FSTL5: variants seen among roughly 807,000 people sequenced by gnomAD.
The protein encoded by FSTL5 is follistatin like 5.
In FSTL5, 62 loss-of-function variants were observed where a neutral mutation model predicts 89.1. That is an observed-to-expected ratio of 0.70 (90% confidence interval 0.57 to 0.86). FSTL5 has a LOEUF of 0.86. Among genes scored for constraint, FSTL5 ranks in the 40% least tolerant of loss-of-function variants. FSTL5 has a pLI of 0.00. For synonymous variants in FSTL5, 383 were observed against 346.2 expected (o/e 1.11, Z -1.18); for missense variants, 1,057 against 1,001.6 (o/e 1.06, Z -0.75).
At chr4:161,798,005 C>T (rs945049175) in intron 4 of FSTL5, among the ~76,000 whole-genome samples, 3 of 151,558 alleles carry the variant, frequency 2.0e-5, no homozygotes, top group Admixed American at 6.6e-5. Flanking sequence ...AGTTAGACCT[C>T]ATTTATCCCA....
In FSTL5 at chr4:161,659,247, A is replaced by G. The variant is rs149163522; in HGVS notation, c.728-2753T>C. 6.5e-3 allele frequency among the ~76,000 whole-genome samples: 989 copies of G among 152,248 alleles called. 9 individuals are homozygous for G. Among genetic ancestry groups the G allele is most frequent in the South Asian group, 0.045 (218 of 4,824 alleles). ...GTAATACTTATTATTAAGTAACTAT[A>G]TATTTGATAATTTCTTAGATTTGTT... is the stretch of plus-strand genomic sequence containing the variant. On this transcript the variant is annotated intron_variant, in intron 6 of 15. Transcript: ENST00000306100.
At chr4:161,658,087 C>T (rs1171625281) in intron 6 of FSTL5, among the ~76,000 whole-genome samples, 2 of 152,134 alleles carry the variant, frequency 1.3e-5, no homozygotes, top group Non-Finnish European at 2.9e-5. Context: ...TAACAAACAT[C>T]TTGTCCATTT....
intron 7 of FSTL5, among the ~76,000 whole-genome samples, chr4:161,638,587 C>G (rs1175099137): frequency 1.3e-5 from 2 of 150,268 alleles, no homozygotes; most frequent in Non-Finnish European, 3.0e-5. Context: ...GAACTGGTAC[C>G]ATTCCTTCTG....
At chr4:161,749,709 G>A (rs955755604) in intron 6 of FSTL5, among the ~76,000 whole-genome samples, 8 of 151,762 alleles carry the variant, frequency 5.3e-5, no homozygotes, top group South Asian at 2.1e-4. Flanking sequence ...GGAGAATGGC[G>A]TGAACCCGAC....
At chr4:161,514,138 T>C (rs2126505388) in intron 10 of FSTL5, among the ~76,000 whole-genome samples, 1 of 152,142 alleles carries the variant, frequency 6.6e-6, no homozygotes, top group Non-Finnish European at 1.5e-5. Context: ...AAACTAAGAA[T>C]ACAGGGATAT....
At chr4:161,780,421 G>T (rs1194091943) in intron 4 of FSTL5, among the ~76,000 whole-genome samples, 1 of 152,118 alleles carries the variant, frequency 6.6e-6, no homozygotes, top group Middle Eastern at 3.2e-3. Context: ...CTAAAGAAAA[G>T]AAACAATTTC....
chr4:161,502,603 A>G (rs918807939), intron 11 of FSTL5, among the ~76,000 whole-genome samples: 2 of 151,894 alleles, frequency 1.3e-5, no homozygotes, highest in African/African-American at 4.8e-5. Flanking sequence ...TTATGAAATA[A>G]AACTTTTCCA....
chr4:161,509,084 C>A (rs1730571018), intron 11 of FSTL5, among the ~76,000 whole-genome samples: 1 of 152,138 alleles, frequency 6.6e-6, no homozygotes, highest in Admixed American at 6.5e-5. Flanking sequence ...GGGCAGATCA[C>A]CTGAGGTCAG....
intron 3 of FSTL5, among the ~76,000 whole-genome samples, chr4:161,968,415 G>A (rs1252289723): frequency 6.6e-6 from 1 of 151,976 alleles, no homozygotes; most frequent in Non-Finnish European, 1.5e-5. Flanking sequence ...AAAACACACA[G>A]AGTTGAAAAG....
intron 3 of FSTL5, among the ~76,000 whole-genome samples, chr4:161,994,114 T>G: frequency 6.6e-6 from 1 of 152,154 alleles, no homozygotes; most frequent in East Asian, 1.9e-4. Flanking sequence ...TTTTCATCAT[T>G]TAGCTACCAC....
At chr4:161,959,294 ATTGAT>A (rs888098614) in intron 3 of FSTL5, among the ~76,000 whole-genome samples, 89 of 152,252 alleles carry the variant, frequency 5.8e-4, no homozygotes, top group African/African-American at 2.0e-3. Flanking sequence ...TATTTATTTT[ATTGAT>A]TTAAGATACA....
At chr4:162,125,683 T>G (rs532975494) in intron 1 of FSTL5, among the ~76,000 whole-genome samples, 2 of 152,210 alleles carry the variant, frequency 1.3e-5, no homozygotes, top group African/African-American at 4.8e-5. Context: ...CATCAGACAT[T>G]GTAATTCATA....
chr4:161,934,413 G>T (rs1230218912), intron 3 of FSTL5, among the ~76,000 whole-genome samples: 3 of 152,026 alleles, frequency 2.0e-5, no homozygotes, highest in African/African-American at 7.2e-5. Context: ...TAGAAAGAAG[G>T]TTGGGAAGTA....
At chr4:161,905,289 A>G (rs1314783592) in intron 4 of FSTL5, among the ~76,000 whole-genome samples, 1 of 152,166 alleles carries the variant, frequency 6.6e-6, no homozygotes, top group African/African-American at 2.4e-5. Context: ...TTGCTTAACC[A>G]TAGACTATAT....
At chr4:162,094,786 T>C (rs1454874814) in intron 2 of FSTL5, among the ~76,000 whole-genome samples, 1 of 152,164 alleles carries the variant, frequency 6.6e-6, no homozygotes, top group Non-Finnish European at 1.5e-5. Flanking sequence ...AGGAGATATT[T>C]TGTGTCATAA....
At chr4:161,943,381 CATA>C (rs1734643976) in intron 3 of FSTL5, among the ~76,000 whole-genome samples, 1 of 151,518 alleles carries the variant, frequency 6.6e-6, no homozygotes, top group Non-Finnish European at 1.5e-5. Flanking sequence ...GTAGTTTTAA[CATA>C]ATATGATTAA....
At chr4:161,765,321 C>A (rs2126794420) in intron 5 of FSTL5, among the ~76,000 whole-genome samples, 1 of 152,280 alleles carries the variant, frequency 6.6e-6, no homozygotes, top group African/African-American at 2.4e-5. Context: ...ACTCTTCTAT[C>A]CATACAAGTG....
intron 2 of FSTL5, among the ~76,000 whole-genome samples, chr4:162,090,758 C>CTAGT (rs1730518548): frequency 6.6e-6 from 1 of 151,752 alleles, no homozygotes; most frequent in South Asian, 2.1e-4. Context: ...GGTGGAGGTT[C>CTAGT]CAGTGAGCCG....
In FSTL5 at chr4:161,500,133, A is replaced by C. The variant is rs765893505; in HGVS notation, c.1341T>G (p.Gly447=). The C allele has an allele frequency of 6.5e-7, 1 of 1,544,248 alleles. No individual in the cohort carries two copies. Among genetic ancestry groups the C allele is most frequent in the Non-Finnish European group, 8.9e-7 (1 of 1,125,530 alleles). ...CATAGAACATGTTCCCAATTCCCAG[A>C]CCTTAGGAATAAAAACACATTTAAA... ...TLANILWREE[G]LGIGNMFYVF... Residue 447 remains glycine (G), a splice_region_variant and synonymous_variant, in exon 12 of 16, where the codon GGT becomes GGG. Coordinates refer to ENST00000306100, the MANE Select transcript of FSTL5 (RefSeq NM_020116.5).
Sources: gnomAD v4.1 joint callset for allele counts (sites outside exome capture counted in the v4.1 genomes callset) on GRCh38, gnomAD v4.1.1 for gene constraint, MANE v1.5 for transcripts, NCBI Gene and HGNC (gene_info 2026-07-23, HGNC 2026-07-21) for gene names.